The following UNC5D variants were observed in gnomAD, a reference collection of about 807,000 sequenced individuals.
UNC5D encodes netrin receptor UNC5D.
In UNC5D, 39 loss-of-function variants were observed where a neutral mutation model predicts 105.4. That is an observed-to-expected ratio of 0.37 (90% confidence interval 0.29 to 0.48). UNC5D has a LOEUF of 0.48. Among genes scored for constraint, UNC5D ranks in the 20% least tolerant of loss-of-function variants. The probability of loss-of-function intolerance (pLI) is 0.98; values close to 1 mark genes in which losing one functional copy is unlikely to be tolerated. For missense variants in UNC5D, 991 were observed against 1,202.4 expected (o/e 0.82, Z 2.60); for synonymous variants, 452 against 450.4 (o/e 1.00, Z -0.04).
chr8:35,464,961 C>T (rs954543983), intron 1 of UNC5D, among the ~76,000 whole-genome samples: 3 of 152,192 alleles, frequency 2.0e-5, no homozygotes, highest in Non-Finnish European at 2.9e-5. Flanking sequence ...ATGCAATCCC[C>T]ATATGAGTTC....
At position 35,526,601 on chromosome 8, in the gene UNC5D, A is replaced by G. The variant is rs915385059; in HGVS notation, c.104-22691A>G. Among the ~76,000 whole-genome samples, 4 of 152,044 alleles carry G rather than the reference A, an allele frequency of 2.6e-5. No homozygotes were observed. The South Asian group carries it at 8.3e-4, about 32-fold the overall frequency. On this transcript the variant is annotated intron_variant, in intron 1 of 16. Coordinates refer to ENST00000404895, the MANE Select transcript of UNC5D (RefSeq NM_080872.4). ...TTTGTTTTTTTGTTTCTGCAATGCTAACATTTTAATCTCTTCAAAATTATT... is the reference window on the plus strand; with the variant it reads ...TTTGTTTTTTTGTTTCTGCAATGCTGACATTTTAATCTCTTCAAAATTATT...
Position 35,428,491 on chromosome 8 carries a change from C to T in UNC5D, c.104-120801C>T, listed in dbSNP as rs767080567. Among the ~76,000 whole-genome samples, 108 of 151,394 alleles carry T rather than the reference C, an allele frequency of 7.1e-4. 3 individuals carry two copies. Among genetic ancestry groups the T allele is most frequent in the Non-Finnish European group, 1.3e-4 (9 of 67,874 alleles). On this transcript the variant is annotated intron_variant, in intron 1 of 16. Coordinates refer to ENST00000404895, the MANE Select transcript of UNC5D (RefSeq NM_080872.4). ...GTGAGCCACTGCCCCCCGGCCAAAT[C>T]TACTTTCTTGCAGAATAAATGGATT...
At chr8:35,445,286 A>G (rs997276883) in intron 1 of UNC5D, among the ~76,000 whole-genome samples, 4 of 152,068 alleles carry the variant, frequency 2.6e-5, no homozygotes, top group Admixed American at 6.6e-5. Flanking sequence ...GCAAGCAACT[A>G]CAAAGGAATT....
chr8:35,399,976 G>A (rs1804350079), intron 1 of UNC5D, among the ~76,000 whole-genome samples: 1 of 152,156 alleles, frequency 6.6e-6, no homozygotes, highest in South Asian at 2.1e-4. Context: ...ACAGCTGTAT[G>A]AGGAGAAACT....
At chr8:35,247,231 A>C (rs1208709690) in intron 1 of UNC5D, among the ~76,000 whole-genome samples, 1 of 130,812 alleles carries the variant, frequency 7.6e-6, no homozygotes, top group African/African-American at 2.9e-5. Context: ...TTTTCCTTTT[A>C]TTTAAATGTT....
intron 1 of UNC5D, among the ~76,000 whole-genome samples, chr8:35,239,707 G>A (rs773689036): frequency 3.3e-5 from 5 of 151,852 alleles, no homozygotes; most frequent in Middle Eastern, 3.4e-3. Flanking sequence ...TTGTCCCTTC[G>A]TCCAGGCTGT....
intron 1 of UNC5D, among the ~76,000 whole-genome samples, chr8:35,518,335 T>C (rs1217865543): frequency 3.3e-5 from 5 of 152,188 alleles, no homozygotes; most frequent in African/African-American, 1.2e-4. Context: ...TCCATTTTAT[T>C]TATATATCTT....
chr8:35,299,876 T>C (rs1449116643), intron 1 of UNC5D, among the ~76,000 whole-genome samples: 1 of 152,182 alleles, frequency 6.6e-6, no homozygotes, highest in African/African-American at 2.4e-5. Context: ...AATTGATTGC[T>C]ATTGAATAAT....
chr8:35,301,176 T>C (rs1391909836), intron 1 of UNC5D, among the ~76,000 whole-genome samples: 1 of 152,144 alleles, frequency 6.6e-6, no homozygotes, highest in Non-Finnish European at 1.5e-5. Context: ...TTGAGATGTC[T>C]TGTGGTGCCA....
At chr8:35,590,015 G>A (rs1055088787) in intron 3 of UNC5D, among the ~76,000 whole-genome samples, 1 of 152,030 alleles carries the variant, frequency 6.6e-6, no homozygotes, top group Non-Finnish European at 1.5e-5. Flanking sequence ...TCTTGCAAGA[G>A]GAAGGACATA....
chr8:35,430,031 C>A (rs966883873), intron 1 of UNC5D, among the ~76,000 whole-genome samples: 2 of 152,026 alleles, frequency 1.3e-5, no homozygotes, highest in African/African-American at 4.8e-5. Flanking sequence ...CCTGGAGTCC[C>A]CAAGGTGATG....
chr8:35,290,668 G>T (rs1806982309), intron 1 of UNC5D, among the ~76,000 whole-genome samples: 1 of 152,098 alleles, frequency 6.6e-6, no homozygotes, highest in African/African-American at 2.4e-5. Flanking sequence ...AAGTGTGGAG[G>T]CCAGGCGCGG....
At chr8:35,693,419 A>G (rs1410676336) in intron 7 of UNC5D, among the ~76,000 whole-genome samples, 1 of 152,100 alleles carries the variant, frequency 6.6e-6, no homozygotes, top group African/African-American at 2.4e-5. Context: ...TTTGAACATG[A>G]TCTCCCTTCT....
intron 4 of UNC5D, among the ~76,000 whole-genome samples, chr8:35,604,832 G>A (rs1314082219): frequency 1.3e-5 from 2 of 152,068 alleles, no homozygotes; most frequent in East Asian, 1.9e-4. Flanking sequence ...CCAGTTGATC[G>A]CATCAGTTAC....
At chr8:35,428,330 G>T (rs1806380963) in intron 1 of UNC5D, among the ~76,000 whole-genome samples, 1 of 145,558 alleles carries the variant, frequency 6.9e-6, no homozygotes, top group African/African-American at 2.6e-5. Context: ...ACAGGTACAT[G>T]CCACCATGCC....
At position 35,770,608 on chromosome 8, in the gene UNC5D, A is replaced by G. The variant is rs1423132309; in HGVS notation, c.2478+3542A>G. ...AACCAATATTCTATAAAGCAACAGT[A>G]TCAACAGTCTAAAATTGCAGACTGG... On this transcript the variant is annotated intron_variant, in intron 15 of 16. Transcript: ENST00000404895. 2.6e-5 allele frequency among the ~76,000 whole-genome samples: 4 copies of G among 152,266 alleles called. No individual in the cohort carries two copies. In the East Asian group the frequency reaches 7.7e-4, roughly 29 times the overall value.
intron 1 of UNC5D, among the ~76,000 whole-genome samples, chr8:35,390,786 A>G (rs1803720699): frequency 6.6e-6 from 1 of 152,254 alleles, no homozygotes; most frequent in Admixed American, 6.5e-5. Context: ...GTTCCAACTG[A>G]CATGTAATTT....
intron 6 of UNC5D, 28 bp from the exon 7 acceptor site, chr8:35,686,517 C>T (rs377624494): frequency 6.5e-7 from 1 of 1,532,806 alleles, no homozygotes. Flanking sequence ...TTCATTCTAA[C>T]AATGGTTTCT....
intron 1 of UNC5D, among the ~76,000 whole-genome samples, chr8:35,480,779 G>A (rs1020566630): frequency 2.0e-5 from 3 of 152,170 alleles, no homozygotes; most frequent in Admixed American, 1.3e-4. Context: ...AAGGAGATCA[G>A]GAATGGTTAC....
Sources: gnomAD v4.1 joint callset for allele counts (sites outside exome capture counted in the v4.1 genomes callset) on GRCh38, gnomAD v4.1.1 for gene constraint, MANE v1.5 for transcripts, NCBI Gene and HGNC (gene_info 2026-07-23, HGNC 2026-07-21) for gene names.